The following NTNG1 variants were observed in gnomAD, a reference collection of about 807,000 sequenced individuals.
NTNG1 encodes netrin-G1.
NTNG1 carries 16 observed loss-of-function variants against 54.0 expected under a neutral mutation model. That is an observed-to-expected ratio of 0.30 (90% CI 0.20 to 0.45). The LOEUF is 0.45. Among genes scored for constraint, NTNG1 ranks in the 20% least tolerant of loss-of-function variants. The pLI, the probability that NTNG1 is intolerant of heterozygous loss-of-function variation, is 1.00. For synonymous variants in NTNG1, 255 were observed against 263.1 expected, an observed-to-expected ratio of 0.97 and a Z score of 0.30; for missense variants, 530 against 678.7, an observed-to-expected ratio of 0.78 and a Z score of 2.43.
rs1662838595 is a variant in NTNG1, at chr1:107,254,980, G to A, written c.247-69302G>A. Among the ~76,000 whole-genome samples the A allele has an allele frequency of 2.0e-5, 3 of 152,092 alleles. No homozygotes were observed. The South Asian group carries it at 6.2e-4, about 32-fold the overall frequency. On this transcript the variant is annotated intron_variant, in intron 2 of 7. Coordinates refer to ENST00000370068, the MANE Select transcript of NTNG1 (RefSeq NM_001113226.3). ...TTCTAGTCTTTTGACCTTAATATTT[G>A]CATCTATTAATTATATTCATAAACA... is the stretch of plus-strand genomic sequence containing the variant.
intron 2 of NTNG1, among the ~76,000 whole-genome samples, chr1:107,210,582 G>T (rs1659533278): frequency 6.6e-6 from 1 of 152,156 alleles, no homozygotes; most frequent in South Asian, 2.1e-4. Context: ...ACCGCCAGAT[G>T]AATTTTAATA....
At chr1:107,412,142 A>T (rs1423227136) in intron 5 of NTNG1, among the ~76,000 whole-genome samples, 2 of 151,450 alleles carry the variant, frequency 1.3e-5, no homozygotes, top group Non-Finnish European at 2.9e-5. Flanking sequence ...TGCCTTTGCC[A>T]GTTATCTCTG....
At position 107,258,913 on chromosome 1, in the gene NTNG1, A is replaced by G. The variant is rs914190868; in HGVS notation, c.247-65369A>G. ...ATTATTTGTTTTAATCCTTGGAGAA[A>G]GGAAAAAAAAGTAAGATTAGAGAGA... On this transcript the variant is annotated intron_variant, in intron 2 of 7. Coordinates refer to ENST00000370068, the MANE Select transcript of NTNG1 (RefSeq NM_001113226.3). Among the ~76,000 whole-genome samples the G allele has an allele frequency of 3.3e-5, 5 of 152,188 alleles. No homozygotes were observed. In the East Asian group the frequency reaches 7.7e-4, roughly 23 times the overall value.
intron 3 of NTNG1, among the ~76,000 whole-genome samples, chr1:107,347,286 GGAGGACTGTTT>G (rs1300903398): frequency 6.6e-6 from 1 of 152,074 alleles, no homozygotes; most frequent in Non-Finnish European, 1.5e-5. Context: ...GATCAAGGTG[GGAGGACTGTTT>G]GAGGCCAGAA....
intron 2 of NTNG1, among the ~76,000 whole-genome samples, chr1:107,177,575 C>T (rs552578594): frequency 2.0e-5 from 3 of 152,168 alleles, no homozygotes; most frequent in South Asian, 2.1e-4. Flanking sequence ...CCTGGTGATC[C>T]GCCTGCCTCA....
At chr1:107,323,588 C>T (rs1371366401) in intron 2 of NTNG1, among the ~76,000 whole-genome samples, 1 of 152,088 alleles carries the variant, frequency 6.6e-6, no homozygotes, top group Admixed American at 6.6e-5. Context: ...ACTTGGAGCA[C>T]ACTCCCAGCC....
At chr1:107,294,424 C>T (rs1665814978) in intron 2 of NTNG1, among the ~76,000 whole-genome samples, 1 of 152,126 alleles carries the variant, frequency 6.6e-6, no homozygotes, top group African/African-American at 2.4e-5. Context: ...TGTTCATTGC[C>T]ATATGTCTAA....
intron 2 of NTNG1, among the ~76,000 whole-genome samples, chr1:107,316,286 A>C (rs996319193): frequency 6.6e-6 from 1 of 152,176 alleles, no homozygotes; most frequent in East Asian, 1.9e-4. Flanking sequence ...CACCACCCAG[A>C]TGGCCATAGG....
At chr1:107,331,530 G>A (rs1210594653) in intron 3 of NTNG1, among the ~76,000 whole-genome samples, 1 of 151,962 alleles carries the variant, frequency 6.6e-6, no homozygotes, top group African/African-American at 2.4e-5. Context: ...TTTCCATGGG[G>A]AGACAAAAAT....
intron 3 of NTNG1, among the ~76,000 whole-genome samples, chr1:107,345,555 G>A (rs1340519504): frequency 1.3e-5 from 2 of 152,068 alleles, no homozygotes; most frequent in African/African-American, 2.4e-5. Context: ...AACTTCAGAT[G>A]GCATTTCATA....
At chr1:107,353,267 A>C (rs577263828) in intron 3 of NTNG1, among the ~76,000 whole-genome samples, 1 of 152,138 alleles carries the variant, frequency 6.6e-6, no homozygotes, top group South Asian at 2.1e-4. Flanking sequence ...TTGCCCACAC[A>C]TATCAGCCAA....
chr1:107,460,116 C>T (rs17019112), intron 7 of NTNG1, among the ~76,000 whole-genome samples: 1,582 of 152,234 alleles, frequency 0.01, 22 homozygotes, highest in African/African-American at 0.023. Context: ...CTCAGTGCAA[C>T]GAGCATGCAA....
chr1:107,275,833 A>G (rs1207666815), intron 2 of NTNG1, among the ~76,000 whole-genome samples: 1 of 152,214 alleles, frequency 6.6e-6, no homozygotes, highest in Non-Finnish European at 1.5e-5. Flanking sequence ...ATGTTTGAGC[A>G]AATGTCTCTG....
At chr1:107,451,359 T>A (rs1024131224) in intron 7 of NTNG1, among the ~76,000 whole-genome samples, 12 of 152,086 alleles carry the variant, frequency 7.9e-5, no homozygotes, top group African/African-American at 2.9e-4. Flanking sequence ...AGGCTGAATT[T>A]TCCTAGTAAA....
intron 3 of NTNG1, among the ~76,000 whole-genome samples, chr1:107,365,322 G>C (rs1233011757): frequency 6.6e-6 from 1 of 152,092 alleles, no homozygotes; most frequent in East Asian, 1.9e-4. Context: ...GTCCAAAAAA[G>C]TATTGATGTT....
At chr1:107,451,634 T>C (rs1676635390) in intron 7 of NTNG1, among the ~76,000 whole-genome samples, 1 of 152,132 alleles carries the variant, frequency 6.6e-6, no homozygotes, top group African/African-American at 2.4e-5. Context: ...TCGTTGCAGC[T>C]AGATGTTGAG....
intron 2 of NTNG1, among the ~76,000 whole-genome samples, chr1:107,272,228 T>C (rs1205389307): frequency 6.6e-6 from 1 of 152,154 alleles, no homozygotes; most frequent in African/African-American, 2.4e-5. Context: ...CTACTAATAA[T>C]ATTCTTAAAG....
intron 7 of NTNG1, chr1:107,455,630 G>C (rs1159919076): frequency 4.0e-6 from 2 of 495,494 alleles, no homozygotes; most frequent in Non-Finnish European, 8.1e-6. Flanking sequence ...TCTGTGGTGA[G>C]ATGGAAGGTA....
chr1:107,346,884 TAAAAAAAAAAAAAA>T (rs537482440), intron 3 of NTNG1, among the ~76,000 whole-genome samples: 1 of 97,142 alleles, frequency 1.0e-5, no homozygotes, highest in East Asian at 3.1e-4. Context: ...TTTTCTATCC[TAAAAAAAAAAAAAA>T]AAAAAAAAAA....
Sources: allele counts gnomAD v4.1 joint callset (sites outside exome capture counted in the v4.1 genomes callset), GRCh38; gene constraint gnomAD v4.1.1; transcripts MANE v1.5; gene names NCBI Gene and HGNC (gene_info 2026-07-23, HGNC 2026-07-21).